LMO7: variants seen among roughly 807,000 people sequenced by gnomAD.
The protein encoded by LMO7 is LIM domain only protein 7.
Under a neutral mutation model 206.5 loss-of-function variants are expected in LMO7, and 120 were observed. The observed-to-expected ratio is 0.58, with a 90% CI of 0.50 to 0.68. The LOEUF (loss-of-function observed/expected upper bound fraction) is 0.68, where lower values mean the gene tolerates loss of function less well. LMO7 is among the 30% of genes least tolerant of loss of function. The probability of loss-of-function intolerance (pLI) is 0.00; values close to 1 mark genes in which losing one functional copy is unlikely to be tolerated. For missense variants in LMO7, 1,959 were observed against 1,957.9 expected (o/e 1.00, Z -0.01); for synonymous variants, 706 against 681.5 (o/e 1.04, Z -0.56).
intron 3 of LMO7, among the ~76,000 whole-genome samples, chr13:75,753,901 C>T (rs2047469107): frequency 6.6e-6 from 1 of 152,118 alleles, no homozygotes; most frequent in Non-Finnish European, 1.5e-5. Flanking sequence ...AAGAAGGCAT[C>T]TTTAAAAAAT....
At chr13:75,691,119 G>A (rs1195456197) in intron 1 of LMO7, among the ~76,000 whole-genome samples, 2 of 152,170 alleles carry the variant, frequency 1.3e-5, no homozygotes, top group Non-Finnish European at 2.9e-5. Flanking sequence ...TCCAATTGGA[G>A]TGTACTCTTT....
chr13:75,853,073 A>C lies in LMO7; in HGVS notation c.4365-19A>C. Reference sequence around the variant, plus strand: ...TTGAACATGTCACATTATTTTGATGAGTCTTTTTTGTGTTTCAGAGGCGAA... The same window carrying C: ...TTGAACATGTCACATTATTTTGATGCGTCTTTTTTGTGTTTCAGAGGCGAA... On this transcript the variant is annotated intron_variant, in intron 27 of 30. Coordinates refer to ENST00000377534, the MANE Select transcript of LMO7 (RefSeq NM_001306080.2). 1.3e-6 allele frequency: 2 copies of C among 1,554,112 alleles called. No homozygotes were observed. Among genetic ancestry groups the C allele is most frequent in the Non-Finnish European group, 1.7e-6 (2 of 1,147,856 alleles).
chr13:75,716,660 C>T (rs2138224229), intron 2 of LMO7, among the ~76,000 whole-genome samples: 1 of 152,122 alleles, frequency 6.6e-6, no homozygotes, highest in African/African-American at 2.4e-5. Context: ...AATCTGTCTT[C>T]TTTCTTCAGT....
chr13:75,844,555 G>T (rs979511549), intron 25 of LMO7, among the ~76,000 whole-genome samples: 5 of 151,824 alleles, frequency 3.3e-5, no homozygotes, highest in African/African-American at 1.2e-4. Context: ...GACTACGGGC[G>T]CATGCCACCA....
chr13:75,709,532 A>C (rs2042916767), intron 1 of LMO7, among the ~76,000 whole-genome samples: 1 of 151,934 alleles, frequency 6.6e-6, no homozygotes, highest in Non-Finnish European at 1.5e-5. Flanking sequence ...TTTGATTTGC[A>C]TTTCTCTGAT....
At position 75,702,103 on chromosome 13, in the gene LMO7, CT is replaced by C. The variant is rs1016763389; in HGVS notation, c.70-11069del. 2.0e-4 allele frequency among the ~76,000 whole-genome samples: 30 copies of C among 149,096 alleles called. 1 individual carries two copies. The highest frequency in any genetic ancestry group is 4.3e-4 in the South Asian group (2 of 4,692). On this transcript the variant is annotated intron_variant, in intron 1 of 30. Coordinates refer to ENST00000377534, the MANE Select transcript of LMO7 (RefSeq NM_001306080.2). ...TGGACTAGAAATGTTTAAACTTATTCTTTTTTTTTTCCCTCAAAATATGAGT... is the reference window on the plus strand; with the variant it reads ...TGGACTAGAAATGTTTAAACTTATTCTTTTTTTTTCCCTCAAAATATGAGT...
chr13:75,788,099 G>A (rs1566461430), intron 4 of LMO7, among the ~76,000 whole-genome samples: 1 of 152,080 alleles, frequency 6.6e-6, no homozygotes, highest in Non-Finnish European at 1.5e-5. Context: ...AAGAGCAATA[G>A]CCCCTTCCCT....
intron 11 of LMO7, among the ~76,000 whole-genome samples, chr13:75,815,224 C>A (rs1310112197): frequency 6.6e-6 from 1 of 152,022 alleles, no homozygotes; most frequent in East Asian, 1.9e-4. Flanking sequence ...TTGTTATAAT[C>A]CAGGTAGCAG....
In LMO7 at chr13:75,796,649, T is replaced by G; in HGVS notation, c.362T>G (p.Leu121Trp). ...DRRVKNVLIT[L>W]YWLGRKAQSN... ...TTTTTTTTTAAGGTTTTGATAACAT[T>G]GTACTGGCTGGGAAGAAAAGCACAA... The change falls in exon 6 of 31, where the codon TTG (leucine) becomes TGG (tryptophan). Residue 121 changes from leucine (L) to tryptophan (W), a missense_variant. Physicochemically the swap from Leu to Trp is moderately conservative, Grantham distance 61. Coordinates refer to ENST00000377534, the MANE Select transcript of LMO7 (RefSeq NM_001306080.2). 1 of 1,609,904 alleles carries G rather than the reference T, an allele frequency of 6.2e-7. No homozygotes were observed. Among genetic ancestry groups the G allele is most frequent in the Non-Finnish European group, 8.5e-7 (1 of 1,176,814 alleles).
intron 1 of LMO7, among the ~76,000 whole-genome samples, chr13:75,712,599 C>A (rs1594450175): frequency 1.3e-5 from 2 of 152,208 alleles, no homozygotes; most frequent in Non-Finnish European, 2.9e-5. Flanking sequence ...CATCTCACCT[C>A]TCTTTCTTTT....
chr13:75,625,824 A>G (rs2138700531), intron 2 of LMO7, among the ~76,000 whole-genome samples: 1 of 152,270 alleles, frequency 6.6e-6, no homozygotes, highest in East Asian at 1.9e-4. Flanking sequence ...AAACTCCATT[A>G]CCTTGTTTCA....
chr13:75,781,901 GT>G (rs1300756500), intron 4 of LMO7, among the ~76,000 whole-genome samples: 1 of 152,112 alleles, frequency 6.6e-6, no homozygotes, highest in Non-Finnish European at 1.5e-5. Context: ...TTTTTCATGT[GT>G]TTTTTGGCTG....
intron 4 of LMO7, 152 bp downstream of exon 4, chr13:75,761,190 TA>T: frequency 5.2e-6 from 3 of 572,340 alleles, no homozygotes; most frequent in Non-Finnish European, 9.0e-6. Flanking sequence ...GAGACTGTTT[TA>T]AAAATGGCTT....
Position 75,636,378 on chromosome 13 carries a change from C to T in LMO7, c.-280C>T. On this transcript the variant is annotated 5_prime_UTR_variant, in exon 1 of 31. Transcript: ENST00000377534. ...GCGCGCTGCCGCTGGGCACCCGCTTCGCTTCCCGCGTCCTGCCTGACTGCC... is the reference window on the plus strand; with the variant it reads ...GCGCGCTGCCGCTGGGCACCCGCTTTGCTTCCCGCGTCCTGCCTGACTGCC... 7.8e-7 allele frequency: 1 copy of T among 1,274,366 alleles called. No individual in the cohort carries two copies. The highest frequency in any genetic ancestry group is 9.9e-7 in the Non-Finnish European group (1 of 1,008,150). 78.9% of individuals were successfully genotyped at this position (1,274,366 alleles called of 1,614,324 possible). A position where few individuals can be genotyped will look rare whatever the true frequency, so the allele number is the denominator to read the frequency against.
intron 20 of LMO7, among the ~76,000 whole-genome samples, chr13:75,838,854 A>G (rs906831078): frequency 3.3e-5 from 5 of 152,150 alleles, no homozygotes; most frequent in Admixed American, 6.5e-5. Context: ...ACGTTTGCCT[A>G]ATGCTCTGTC....
chr13:75,742,148 C>T (rs756087255), intron 3 of LMO7, among the ~76,000 whole-genome samples: 1 of 152,040 alleles, frequency 6.6e-6, no homozygotes, highest in South Asian at 2.1e-4. Context: ...GAATAAAATA[C>T]GTAGGAATAC....
At chr13:75,710,230 C>T (rs527805525) in intron 1 of LMO7, among the ~76,000 whole-genome samples, 100 of 152,246 alleles carry the variant, frequency 6.6e-4, no homozygotes, top group Non-Finnish European at 1.0e-3. Flanking sequence ...GGTCAGGTAG[C>T]GTGATACCTC....
At chr13:75,708,608 C>T (rs1243403353) in intron 1 of LMO7, among the ~76,000 whole-genome samples, 4 of 151,922 alleles carry the variant, frequency 2.6e-5, no homozygotes, top group Admixed American at 6.5e-5. Context: ...GGACATGTTA[C>T]AACGTTTTCT....
chr13:75,701,985 T>C (rs2042314216), intron 1 of LMO7, among the ~76,000 whole-genome samples: 1 of 152,226 alleles, frequency 6.6e-6, no homozygotes, highest in African/African-American at 2.4e-5. Flanking sequence ...TTGTATTTCA[T>C]TTTTGGCTTG....
Sources: gnomAD v4.1 joint callset for allele counts (sites outside exome capture counted in the v4.1 genomes callset) on GRCh38, gnomAD v4.1.1 for gene constraint, MANE v1.5 for transcripts, NCBI Gene and HGNC (gene_info 2026-07-23, HGNC 2026-07-21) for gene names.